OPCML: variants seen among roughly 807,000 people sequenced by gnomAD.
The protein encoded by OPCML is opioid binding protein/cell adhesion molecule like.
A neutral mutation model predicts 37.8 loss-of-function variants in OPCML; 13 were observed. That is an observed-to-expected ratio of 0.34 (90% CI 0.22 to 0.55). The LOEUF (loss-of-function observed/expected upper bound fraction) is 0.55. Among genes scored for constraint, OPCML ranks in the 20% least tolerant of loss-of-function variants. The pLI, the probability that OPCML is intolerant of heterozygous loss-of-function variation, is 0.91. For synonymous variants in OPCML, 176 were observed against 168.8 expected (o/e 1.04, Z -0.33); for missense variants, 341 against 435.6 (o/e 0.78, Z 1.93).
At chr11:132,974,624 C>T (rs1366291270) in intron 1 of OPCML, among the ~76,000 whole-genome samples, 1 of 152,124 alleles carries the variant, frequency 6.6e-6, no homozygotes, top group Non-Finnish European at 1.5e-5. Context: ...ACCAGAAATA[C>T]CACTTGACCC....
chr11:132,520,880 T>C (rs866228197), intron 4 of OPCML, among the ~76,000 whole-genome samples: 6 of 152,258 alleles, frequency 3.9e-5, no homozygotes, highest in Non-Finnish European at 4.4e-5. Flanking sequence ...TATAATCCTT[T>C]AGGTATATAC....
At chr11:132,924,610 A>G (rs141048904) in intron 2 of OPCML, among the ~76,000 whole-genome samples, 1 of 152,362 alleles carries the variant, frequency 6.6e-6, no homozygotes, top group African/African-American at 2.4e-5. Flanking sequence ...GAGAAATTCA[A>G]TATAATTCTT....
chr11:133,207,951 C>T (rs888686873), intron 1 of OPCML, among the ~76,000 whole-genome samples: 3 of 152,082 alleles, frequency 2.0e-5, no homozygotes, highest in Non-Finnish European at 2.9e-5. Flanking sequence ...TGTGTTTTTG[C>T]CTGAAAAATA....
At chr11:133,126,888 A>G (rs1949525976) in intron 1 of OPCML, among the ~76,000 whole-genome samples, 1 of 152,104 alleles carries the variant, frequency 6.6e-6, no homozygotes, top group African/African-American at 2.4e-5. Context: ...TCATCACTGA[A>G]AAAGAGAGTG....
At position 132,829,336 on chromosome 11, in the gene OPCML, T is replaced by C. The variant is rs991322587; in HGVS notation, c.146+113590A>G. On this transcript the variant is annotated intron_variant, in intron 2 of 7. Transcript: ENST00000524381. ...CATAGGAATTAACTCATTTAATCCA[T>C]ATTGAAACCCTCTGAGATAGAGACC... Among the ~76,000 whole-genome samples the C allele has an allele frequency of 5.3e-5, 8 of 152,180 alleles. 1 individual carries two copies. The highest frequency in any genetic ancestry group is 3.9e-4 in the Admixed American group (6 of 15,272).
intron 3 of OPCML, among the ~76,000 whole-genome samples, chr11:132,653,887 G>A (rs753784776): frequency 5.9e-5 from 9 of 152,086 alleles, no homozygotes; most frequent in African/African-American, 1.9e-4. Flanking sequence ...GTGGCAGCTC[G>A]GAAATTTTTC....
At chr11:132,803,032 A>C (rs1938767168) in intron 2 of OPCML, among the ~76,000 whole-genome samples, 1 of 152,206 alleles carries the variant, frequency 6.6e-6, no homozygotes, top group South Asian at 2.1e-4. Context: ...CTCCCACTCT[A>C]ACAAGCAACT....
At chr11:133,387,881 G>A (rs982648628) in intron 1 of OPCML, among the ~76,000 whole-genome samples, 10 of 152,188 alleles carry the variant, frequency 6.6e-5, no homozygotes, top group Non-Finnish European at 1.3e-4. Flanking sequence ...TACTTCGGCA[G>A]AGAACTGAAT....
intron 1 of OPCML, among the ~76,000 whole-genome samples, chr11:133,170,114 CA>C (rs1428108438): frequency 2.0e-5 from 3 of 152,148 alleles, no homozygotes; most frequent in Non-Finnish European, 4.4e-5. Context: ...CAAGCAATAA[CA>C]AATATTATCT....
At chr11:132,606,693 C>T (rs899299259) in intron 3 of OPCML, among the ~76,000 whole-genome samples, 4 of 148,996 alleles carry the variant, frequency 2.7e-5, no homozygotes, top group African/African-American at 9.9e-5. Flanking sequence ...GCCGTGACTG[C>T]ACCCAGGAGC....
intron 1 of OPCML, chr11:133,361,514 G>C (rs1283811690): frequency 6.5e-6 from 1 of 154,002 alleles, no homozygotes; most frequent in African/African-American, 2.4e-5. Flanking sequence ...CGCCCGCCGC[G>C]CATCAGTGCA....
At chr11:133,207,265 C>A (rs145980536) in intron 1 of OPCML, among the ~76,000 whole-genome samples, 1,640 of 152,068 alleles carry the variant, frequency 0.011, 20 homozygotes, top group African/African-American at 0.031. Context: ...AAGCCACTGC[C>A]CTCCAGCCTG....
chr11:133,381,371 A>G (rs528803567), intron 1 of OPCML, among the ~76,000 whole-genome samples: 8 of 152,364 alleles, frequency 5.3e-5, no homozygotes, highest in African/African-American at 1.9e-4. Context: ...CACGGGATCA[A>G]ATAAATGTGT....
At chr11:133,388,164 T>C (rs1362982982) in intron 1 of OPCML, among the ~76,000 whole-genome samples, 2 of 152,184 alleles carry the variant, frequency 1.3e-5, no homozygotes, top group Non-Finnish European at 2.9e-5. Flanking sequence ...GGCTGGCCCA[T>C]AGAAAATGTC....
At chr11:133,051,230 G>A (rs748561327) in intron 1 of OPCML, among the ~76,000 whole-genome samples, 2 of 152,194 alleles carry the variant, frequency 1.3e-5, no homozygotes, top group Non-Finnish European at 2.9e-5. Context: ...TCTGTGCCAA[G>A]CACTGTTTAA....
At chr11:133,071,539 T>C (rs1948534561) in intron 1 of OPCML, among the ~76,000 whole-genome samples, 1 of 152,176 alleles carries the variant, frequency 6.6e-6, no homozygotes, top group Non-Finnish European at 1.5e-5. Context: ...GAAAAATCAC[T>C]GGCCCAGGAG....
chr11:132,438,832 C>A (rs990704131), intron 4 of OPCML, among the ~76,000 whole-genome samples: 1 of 151,966 alleles, frequency 6.6e-6, no homozygotes, highest in Admixed American at 6.6e-5. Context: ...GGTGCCCTGA[C>A]TCTGCTCCAA....
intron 3 of OPCML, among the ~76,000 whole-genome samples, chr11:132,628,983 T>C (rs1227146569): frequency 6.6e-6 from 1 of 152,080 alleles, no homozygotes; most frequent in African/African-American, 2.4e-5. Flanking sequence ...CAGTCTTGGG[T>C]GTGTCTTTAT....
At chr11:133,182,508 T>C (rs1219170492) in intron 1 of OPCML, among the ~76,000 whole-genome samples, 1 of 152,180 alleles carries the variant, frequency 6.6e-6, no homozygotes, top group African/African-American at 2.4e-5. Context: ...GAGACAATTC[T>C]GGTGCTAAAG....
Sources: gnomAD v4.1 joint callset for allele counts (sites outside exome capture counted in the v4.1 genomes callset) on GRCh38, gnomAD v4.1.1 for gene constraint, MANE v1.5 for transcripts, NCBI Gene and HGNC (gene_info 2026-07-23, HGNC 2026-07-21) for gene names.